Variants in GLIS3 observed in about 807,000 individuals in gnomAD.
GLIS3 encodes GLIS family zinc finger 3.
In GLIS3, 53 loss-of-function variants were observed where a neutral mutation model predicts 78.6. The observed-to-expected ratio is 0.67, with a 90% CI of 0.54 to 0.85. The LOEUF (loss-of-function observed/expected upper bound fraction) is 0.85, where lower values mean the gene tolerates loss of function less well. Among genes scored for constraint, GLIS3 ranks in the 40% least tolerant of loss-of-function variants. The probability of loss-of-function intolerance (pLI) is 0.00; values close to 1 mark genes in which losing one functional copy is unlikely to be tolerated. For synonymous variants in GLIS3, 684 were observed against 509.9 expected, an observed-to-expected ratio of 1.34 and a Z score of -4.60; for missense variants, 1,703 against 1,231.1, an observed-to-expected ratio of 1.38 and a Z score of -5.74.
intron 4 of GLIS3, among the ~76,000 whole-genome samples, chr9:3,962,553 G>A (rs576855333): frequency 2.0e-5 from 3 of 152,228 alleles, no homozygotes; most frequent in South Asian, 2.1e-4. Context: ...AAGCCAAGTC[G>A]TTGGTTGTTT....
At chr9:4,215,312 GGA>G (rs1175415220) in intron 2 of GLIS3, among the ~76,000 whole-genome samples, 1 of 141,170 alleles carries the variant, frequency 7.1e-6, no homozygotes, top group Non-Finnish European at 1.5e-5. Context: ...AGAGATGAGA[GGA>G]GTGTGTGTGC....
At chr9:4,337,952 G>A (rs1300295112) in intron 2 of GLIS3, among the ~76,000 whole-genome samples, 1 of 151,980 alleles carries the variant, frequency 6.6e-6, no homozygotes, top group Admixed American at 6.6e-5. Context: ...CCAAGCAGGA[G>A]CTAGGACCCA....
chr9:4,186,847 T>C (rs1482904853), intron 2 of GLIS3, among the ~76,000 whole-genome samples: 1 of 152,160 alleles, frequency 6.6e-6, no homozygotes, highest in African/African-American at 2.4e-5. Context: ...GATGGGGTTG[T>C]TTTTTTCTTG....
intron 2 of GLIS3, among the ~76,000 whole-genome samples, chr9:4,264,204 A>G (rs1199122923): frequency 3.3e-5 from 5 of 152,206 alleles, no homozygotes; most frequent in Non-Finnish European, 5.9e-5. Flanking sequence ...CCAAACACCT[A>G]GAGGTATTCA....
intron 2 of GLIS3, among the ~76,000 whole-genome samples, chr9:4,187,315 G>A (rs1187252597): frequency 6.6e-6 from 1 of 152,162 alleles, no homozygotes; most frequent in Admixed American, 6.5e-5. Context: ...TAGATATGCT[G>A]CGTTATTTCT....
chr9:4,417,643 T>C, the GLIS3 span, among the ~76,000 whole-genome samples: 157 of 152,314 alleles, frequency 1.0e-3, no homozygotes, highest in Middle Eastern at 3.4e-3. Flanking sequence ...TATCTTGTAG[T>C]GAAATTGCTA....
At chr9:3,866,311 G>T (rs981928587) in intron 8 of GLIS3, among the ~76,000 whole-genome samples, 2 of 152,102 alleles carry the variant, frequency 1.3e-5, no homozygotes, top group Non-Finnish European at 1.5e-5. Flanking sequence ...GTCAATGAAG[G>T]AAAATTAAAG....
At chr9:4,272,057 G>A (rs958799181) in intron 2 of GLIS3, among the ~76,000 whole-genome samples, 7 of 152,118 alleles carry the variant, frequency 4.6e-5, no homozygotes, top group Admixed American at 3.9e-4. Flanking sequence ...CTCGTCATGC[G>A]GCCAAGCAAC....
At chr9:4,203,331 A>T (rs150919655) in intron 2 of GLIS3, among the ~76,000 whole-genome samples, 107 of 152,298 alleles carry the variant, frequency 7.0e-4, no homozygotes, top group African/African-American at 2.5e-3. Flanking sequence ...AAATCAACAG[A>T]TGCTAGTGAG....
At chr9:4,301,105 A>C (rs1312441301), upstream of GLIS3, among the ~76,000 whole-genome samples, 2 of 152,196 alleles carry the variant, frequency 1.3e-5, no homozygotes, top group Admixed American at 6.5e-5. Context: ...TCATTTATCT[A>C]ATTTCAGTGG....
At position 3,829,438 on chromosome 9, in the gene GLIS3, C is replaced by T. The variant is rs1470189708; in HGVS notation, c.2528G>A (p.Arg843Lys). 2 of 1,614,114 alleles carry T rather than the reference C, an allele frequency of 1.2e-6. No homozygotes were observed. Among genetic ancestry groups the T allele is most frequent in the Middle Eastern group, 1.6e-4 (1 of 6,062 alleles). ...FCPPHYPDSQ[R>K]IVPPVSSCSV... ...GCAGGAGCTGACAGGCGGCACAATT[C>T]TCTGGGAATCGGGGTAGTGTGGGGG... is the stretch of plus-strand genomic sequence containing the variant. Residue 843 changes from arginine (R) to lysine (K), a missense_variant, in exon 10 of 11, where the codon AGA (arginine) becomes AAA (lysine). Physicochemically the swap from Arg to Lys is conservative, Grantham distance 26. Coordinates refer to ENST00000381971, the MANE Select transcript of GLIS3 (RefSeq NM_001042413.2).
chr9:4,080,868 C>T (rs552098788), intron 4 of GLIS3, among the ~76,000 whole-genome samples: 44 of 152,252 alleles, frequency 2.9e-4, no homozygotes, highest in African/African-American at 1.0e-3. Context: ...TCATCTTGAC[C>T]CCCGGGCGTA....
intron 4 of GLIS3, among the ~76,000 whole-genome samples, chr9:4,002,171 T>C (rs952017902): frequency 1.3e-5 from 2 of 152,124 alleles, no homozygotes; most frequent in East Asian, 3.9e-4. Context: ...GTAGGAGATG[T>C]GACAATGGAA....
chr9:4,428,285 C>A, the GLIS3 span, among the ~76,000 whole-genome samples: 2 of 151,996 alleles, frequency 1.3e-5, no homozygotes, highest in Admixed American at 6.5e-5. Flanking sequence ...TCAAGACCAG[C>A]CTGGCCAACA....
chr9:3,840,195 A>T (rs1330958343), intron 9 of GLIS3, among the ~76,000 whole-genome samples: 1 of 152,244 alleles, frequency 6.6e-6, no homozygotes, highest in African/African-American at 2.4e-5. Context: ...CCATGAAATA[A>T]GCTTAGAAAT....
chr9:4,468,007 G>C, the GLIS3 span, among the ~76,000 whole-genome samples: 8 of 152,278 alleles, frequency 5.3e-5, no homozygotes, highest in African/African-American at 1.7e-4. Context: ...AGGTTCAGTA[G>C]TCGATTCAAT....
the GLIS3 span, among the ~76,000 whole-genome samples, chr9:4,467,397 T>C: frequency 6.6e-6 from 1 of 152,176 alleles, no homozygotes; most frequent in East Asian, 1.9e-4. Flanking sequence ...TGGCCACTGA[T>C]ACCTCATATG....
chr9:3,991,731 C>T (rs778950854), intron 4 of GLIS3, among the ~76,000 whole-genome samples: 2 of 134,506 alleles, frequency 1.5e-5, no homozygotes, highest in Admixed American at 7.3e-5. Flanking sequence ...CACTCTGTCG[C>T]CCAGGCTGGA....
At chr9:4,411,995 C>G in the GLIS3 span, among the ~76,000 whole-genome samples, 1 of 152,182 alleles carries the variant, frequency 6.6e-6, no homozygotes, top group Non-Finnish European at 1.5e-5. Context: ...ATTTAAGAGA[C>G]AGCACACAAT....
Sources: gnomAD v4.1 joint callset for allele counts (sites outside exome capture counted in the v4.1 genomes callset) on GRCh38, gnomAD v4.1.1 for gene constraint, MANE v1.5 for transcripts, NCBI Gene and HGNC (gene_info 2026-07-23, HGNC 2026-07-21) for gene names.